The following TNKS2 variants were observed in gnomAD, a reference collection of about 807,000 sequenced individuals.
The protein encoded by TNKS2 is poly [ADP-ribose] polymerase tankyrase-2.
A neutral mutation model predicts 137.6 loss-of-function variants in TNKS2; 72 were observed. The observed-to-expected ratio is 0.52, with a 90% CI of 0.43 to 0.64. The LOEUF (loss-of-function observed/expected upper bound fraction) is 0.64. TNKS2 is among the 30% of genes least tolerant of loss of function. The probability of loss-of-function intolerance (pLI) is 0.00; values close to 1 mark genes in which losing one functional copy is unlikely to be tolerated. For synonymous variants in TNKS2, 516 were observed against 512.1 expected (o/e 1.01, Z -0.10); for missense variants, 1,049 against 1,410.2 (o/e 0.74, Z 4.10).
At chr10:91,802,011 A>G (rs1340404714) in intron 1 of TNKS2, among the ~76,000 whole-genome samples, 1 of 152,238 alleles carries the variant, frequency 6.6e-6, no homozygotes, top group African/African-American at 2.4e-5. Context: ...AAATGAAAGA[A>G]ATATGTGGCA....
chr10:91,816,195 G>A (rs900973560), intron 2 of TNKS2, among the ~76,000 whole-genome samples: 6 of 151,876 alleles, frequency 4.0e-5, no homozygotes, highest in South Asian at 2.1e-4. Flanking sequence ...TGATCTGCCC[G>A]CCTCGGCCTC....
At chr10:91,851,362 G>C in intron 21 of TNKS2, 26 bp downstream of exon 21, 1 of 1,606,624 alleles carries the variant, frequency 6.2e-7, no homozygotes, top group South Asian at 1.1e-5. Flanking sequence ...AATTGCTGTT[G>C]TCAGTTTAAC....
intron 11 of TNKS2, 65 bp downstream of exon 11, chr10:91,831,246 G>A (rs557886621): frequency 7.3e-7 from 1 of 1,376,850 alleles, no homozygotes; most frequent in African/African-American, 1.4e-5. Context: ...CAGGTGAAAT[G>A]CCTGACTTCC....
chr10:91,839,243 A>G (rs1842133899), intron 13 of TNKS2, among the ~76,000 whole-genome samples: 2 of 152,126 alleles, frequency 1.3e-5, no homozygotes, highest in South Asian at 4.1e-4. Flanking sequence ...AAACTTTCAT[A>G]CTTTTCATAA....
At chr10:91,811,827 A>C (rs944552121) in intron 1 of TNKS2, among the ~76,000 whole-genome samples, 2 of 152,202 alleles carry the variant, frequency 1.3e-5, no homozygotes, top group Admixed American at 6.5e-5. Flanking sequence ...TGGGAGACCA[A>C]GGCGGGTGGA....
chr10:91,805,131 G>A (rs1328691599), intron 1 of TNKS2, among the ~76,000 whole-genome samples: 8 of 149,394 alleles, frequency 5.4e-5, no homozygotes, highest in Admixed American at 5.3e-4. Flanking sequence ...TTTAAACATA[G>A]CTACCTATTG....
intron 7 of TNKS2, among the ~76,000 whole-genome samples, chr10:91,824,665 GA>G (rs1455977379): frequency 6.6e-6 from 1 of 152,132 alleles, no homozygotes; most frequent in Non-Finnish European, 1.5e-5. Flanking sequence ...TAAAAAATTA[GA>G]AGGAATGCTT....
At chr10:91,810,406 A>AC (rs371627854) in intron 1 of TNKS2, among the ~76,000 whole-genome samples, 1 of 149,790 alleles carries the variant, frequency 6.7e-6, no homozygotes, top group East Asian at 2.0e-4. Flanking sequence ...AACAAAAAAA[A>AC]CCCTGCTATC....
intron 1 of TNKS2, among the ~76,000 whole-genome samples, chr10:91,809,236 G>T (rs1479148063): frequency 6.6e-6 from 1 of 152,166 alleles, no homozygotes. Flanking sequence ...AAAAAAAGTG[G>T]TAACCAGAAG....
intron 23 of TNKS2, among the ~76,000 whole-genome samples, chr10:91,856,064 C>T (rs954516427): frequency 1.3e-5 from 2 of 151,692 alleles, no homozygotes; most frequent in African/African-American, 4.8e-5. Flanking sequence ...ATTTTTTTAT[C>T]CTGATTGACT....
At chr10:91,830,364 C>T (rs1210737919) in intron 9 of TNKS2, among the ~76,000 whole-genome samples, 2 of 152,086 alleles carry the variant, frequency 1.3e-5, no homozygotes, top group South Asian at 2.1e-4. Flanking sequence ...ATTACAGGCA[C>T]GTGCCACCAC....
intron 1 of TNKS2, among the ~76,000 whole-genome samples, chr10:91,810,886 T>TTTTC (rs1844474321): frequency 8.9e-6 from 1 of 112,360 alleles, no homozygotes; most frequent in Admixed American, 9.4e-5. Flanking sequence ...TTGTTTATTC[T>TTTTC]TTTCTTTTTT....
chr10:91,831,049 A>G (rs1564616466), intron 10 of TNKS2, 35 bp downstream of exon 10: 1 of 1,611,560 alleles, frequency 6.2e-7, no homozygotes, highest in Non-Finnish European at 8.5e-7. Flanking sequence ...TATCATTGAG[A>G]TTTTACTCTT....
In TNKS2 at chr10:91,848,587, G is replaced by A; in HGVS notation, c.2563G>A (p.Val855Ile). 1 of 1,614,194 alleles carries A rather than the reference G, an allele frequency of 6.2e-7. No individual in the cohort carries two copies. Among genetic ancestry groups the A allele is most frequent in the South Asian group, 1.1e-5 (1 of 91,086 alleles). The change falls in exon 19 of 27, where the codon GTT (valine) becomes ATT (isoleucine). Residue 855 changes from valine to isoleucine, a missense_variant. Val to Ile is a conservative substitution (Grantham distance 29). Around this residue, in one of 6 missense-constraint regions of TNKS2, gnomAD observed 208 missense variants for 231.2 expected, o/e 0.90. Transcript: ENST00000371627. ...GAGTTTTTCAGAACTGTCTTCAGTAGTTAGTTCAAGTGGAACAGAGGGTGC... is the reference window on the plus strand; with the variant it reads ...GAGTTTTTCAGAACTGTCTTCAGTAATTAGTTCAAGTGGAACAGAGGGTGC... The part of the protein sequence containing the change: ...SGSFSELSSV[V>I]SSSGTEGASS...
rs1842868571 is a variant in TNKS2 at position 91,862,125 on chromosome 10, A to G, written c.3408A>G (p.Leu1136=). ...GGCCCAGTGTAAATGGCCTAGCATTAGCTGAATATGTTATTTACAGAGGAG... is the reference window on the plus strand; with the variant it reads ...GGCCCAGTGTAAATGGCCTAGCATTGGCTGAATATGTTATTTACAGAGGAG... ...TGRPSVNGLA[L]AEYVIYRGEQ... is the part of the protein sequence containing the mutation. Residue 1136 remains leucine (L), a synonymous_variant, in exon 26 of 27, where the codon TTA becomes TTG. Coordinates refer to ENST00000371627, the MANE Select transcript of TNKS2 (RefSeq NM_025235.4). 1 of 1,609,804 alleles carries G rather than the reference A, an allele frequency of 6.2e-7. No homozygotes were observed. The highest frequency in any genetic ancestry group is 8.5e-7 in the Non-Finnish European group (1 of 1,178,122).
At chr10:91,820,133 T>A in intron 6 of TNKS2, 100 bp downstream of exon 6, 2 of 749,370 alleles carry the variant, frequency 2.7e-6, no homozygotes, top group Non-Finnish European at 4.0e-6. Context: ...TAAATAACAT[T>A]AATATATATT....
intron 5 of TNKS2, 141 bp from the exon 6 acceptor site, chr10:91,819,798 T>A (rs1844825713): frequency 5.8e-6 from 4 of 689,550 alleles, no homozygotes; most frequent in Non-Finnish European, 9.2e-6. Context: ...ATATGTATGT[T>A]GGATTTTGTA....
In TNKS2 at chr10:91,863,206, C is replaced by CT; in HGVS notation, c.*210dup. The stretch of plus-strand genomic sequence containing the variant: ...CTAAATATTTCCTGTTTTTTCAGCA[C>CT]TTTAACAGATGCCATTCCAGGTTAA... On this transcript the variant is annotated 3_prime_UTR_variant, in exon 27 of 27. Transcript: ENST00000371627. 2 of 449,100 alleles carry CT rather than the reference C, an allele frequency of 4.5e-6. No homozygotes were observed. Among genetic ancestry groups the CT allele is most frequent in the Non-Finnish European group, 8.0e-6 (2 of 251,154 alleles). 27.8% of individuals were successfully genotyped at this position (449,100 alleles called of 1,614,324 possible).
chr10:91,842,490 C>A, intron 16 of TNKS2, 99 bp downstream of exon 16: 1 of 1,097,782 alleles, frequency 9.1e-7, no homozygotes, highest in Non-Finnish European at 1.3e-6. Context: ...AAATTCAAAT[C>A]AGGCCAAGCA....
Sources: allele counts gnomAD v4.1 joint callset (sites outside exome capture counted in the v4.1 genomes callset), GRCh38; gene constraint gnomAD v4.1.1; regional missense constraint gnomAD v4.1.1; transcripts MANE v1.5; gene names NCBI Gene and HGNC (gene_info 2026-07-23, HGNC 2026-07-21).